AIMP1: variants seen among roughly 807,000 people sequenced by gnomAD.
The protein encoded by AIMP1 is aminoacyl tRNA synthetase complex interacting multifunctional protein 1, also known as aminoacyl tRNA synthase complex-interacting multifunctional protein 1.
In AIMP1, 24 loss-of-function variants were observed where a neutral mutation model predicts 33.1. The observed-to-expected ratio is 0.73, with a 90% confidence interval of 0.53 to 1.02. The LOEUF (loss-of-function observed/expected upper bound fraction) is 1.02, where lower values mean the gene tolerates loss of function less well. Ranked by LOEUF, AIMP1 falls within the 50% of genes least tolerant of loss-of-function variation. AIMP1 has a pLI of 0.00. For missense variants in AIMP1, 367 were observed against 364.8 expected (o/e 1.01, Z -0.05); for synonymous variants, 120 against 121.5 (o/e 0.99, Z 0.08).
chr4:106,340,597 C>T (rs1057402999), intron 6 of AIMP1, among the ~76,000 whole-genome samples: 2 of 152,150 alleles, frequency 1.3e-5, no homozygotes, highest in Admixed American at 6.5e-5. Flanking sequence ...CCAGCTGCAT[C>T]CATTTTGCTG....
chr4:106,335,165 A>C (rs530176419), intron 5 of AIMP1, among the ~76,000 whole-genome samples: 9 of 152,294 alleles, frequency 5.9e-5, no homozygotes, highest in African/African-American at 2.2e-4. Context: ...TAGACTTGGC[A>C]TATGCATGTG....
intron 6 of AIMP1, among the ~76,000 whole-genome samples, chr4:106,344,364 G>A (rs1226779819): frequency 2.0e-5 from 3 of 151,916 alleles, no homozygotes; most frequent in Non-Finnish European, 4.4e-5. Flanking sequence ...ATTTTTCCAT[G>A]GTATTTTTCA....
At position 106,316,563 on chromosome 4, in the gene AIMP1, G is replaced by A. The variant is rs1768908716; in HGVS notation, c.-57G>A. ...CTGGACCTACATGCTTCCTGCTGTG[G>A]CTGTCTCGGAACCCGTGGTCCTCCG... is the stretch of plus-strand genomic sequence containing the variant. On this transcript the variant is annotated 5_prime_UTR_variant, in exon 1 of 7. Coordinates refer to ENST00000672341, the MANE Select transcript of AIMP1 (RefSeq NM_001142416.2). The A allele has an allele frequency of 9.0e-6, 14 of 1,551,570 alleles. No individual in the cohort carries two copies. Among genetic ancestry groups the A allele is most frequent in the East Asian group, 2.4e-5 (1 of 40,896 alleles).
At chr4:106,330,250 GTT>G (rs1173623772) in intron 4 of AIMP1, among the ~76,000 whole-genome samples, 1 of 152,084 alleles carries the variant, frequency 6.6e-6, no homozygotes, top group Non-Finnish European at 1.5e-5. Context: ...GTACATTAGA[GTT>G]TTAAAATATA....
chr4:106,347,924 A>C lies in AIMP1; in HGVS notation c.*232A>C. 2 of 362,340 alleles carry C rather than the reference A, an allele frequency of 5.5e-6. No homozygotes were observed. The highest frequency in any genetic ancestry group is 9.9e-6 in the Non-Finnish European group (2 of 201,328). 22.4% of individuals were successfully genotyped at this position (362,340 alleles called of 1,614,324 possible). On this transcript the variant is annotated 3_prime_UTR_variant, in exon 7 of 7. Coordinates refer to ENST00000672341, the MANE Select transcript of AIMP1 (RefSeq NM_001142416.2). Reference sequence around the variant, plus strand: ...GAGGAAGTTGCCTATGTTTTGTAATAATTTATTTTTTAGCAGGAATATTGA... The same window carrying C: ...GAGGAAGTTGCCTATGTTTTGTAATCATTTATTTTTTAGCAGGAATATTGA...
Position 106,337,032 on chromosome 4 carries a change from TC to T in AIMP1, c.770del (p.Pro257GlnfsTer8). ...VPGDRITFDAFPGEPDKELNP... is the reference protein window; with the variant it reads ...VPGDRITFDAXPGEPDKELNP... ...GGAGACAGAATTACTTTTGATGCTTTCCCAGGTAGGTATTTATTAGTAATTA... is the reference window on the plus strand; with the variant it reads ...GGAGACAGAATTACTTTTGATGCTTTCCAGGTAGGTATTTATTAGTAATTA... On this transcript the variant is annotated frameshift_variant, in exon 6 of 7. Transcript: ENST00000672341. LOFTEE classifies it high-confidence loss of function. 2 of 1,613,778 alleles carry T rather than the reference TC, an allele frequency of 1.2e-6. No homozygotes were observed. The highest frequency in any genetic ancestry group is 1.7e-6 in the Non-Finnish European group (2 of 1,179,726).
Position 106,327,494 on chromosome 4 carries a change from A to C in AIMP1, c.153A>C (p.Glu51Asp). Residue 51 changes from glutamate (E) to aspartate (D), a missense_variant, in exon 3 of 7, where the codon GAA (glutamate) becomes GAC (aspartate). By Grantham distance (45) the Glu-to-Asp change is conservative. Coordinates refer to ENST00000672341, the MANE Select transcript of AIMP1 (RefSeq NM_001142416.2). ...TLREEKKLRVENAKLKKEIEE... is the reference protein window; with the variant it reads ...TLREEKKLRVDNAKLKKEIEE... ...GGGAAGAGAAGAAACTTCGAGTTGA[A>C]AATGCTAAACTGAAGAAAGAAATTG... 1.2e-6 allele frequency: 2 copies of C among 1,613,152 alleles called. No individual in the cohort carries two copies. The highest frequency in any genetic ancestry group is 1.7e-6 in the Non-Finnish European group (2 of 1,179,382).
chr4:106,334,649 A>G (rs1196242219), intron 5 of AIMP1, among the ~76,000 whole-genome samples: 60 of 152,222 alleles, frequency 3.9e-4, no homozygotes, highest in Admixed American at 3.9e-3. Context: ...AGGTGTAAGT[A>G]AATATTTAGT....
intron 6 of AIMP1, among the ~76,000 whole-genome samples, chr4:106,339,238 A>G (rs1770006799): frequency 6.6e-6 from 1 of 152,190 alleles, no homozygotes; most frequent in South Asian, 2.1e-4. Context: ...TGGTTTTGAA[A>G]TGTGAGGACA....
At position 106,347,583 on chromosome 4, in the gene AIMP1, A is replaced by G; in HGVS notation, c.830A>G (p.Asp277Gly). 1 of 1,613,494 alleles carries G rather than the reference A, an allele frequency of 6.2e-7. No homozygotes were observed. Among genetic ancestry groups the G allele is most frequent in the Non-Finnish European group, 8.5e-7 (1 of 1,179,688 alleles). The change falls in exon 7 of 7, where the codon GAT becomes GGT. Residue 277 changes from aspartate (D) to glycine (G), a missense_variant. Coordinates refer to ENST00000672341, the MANE Select transcript of AIMP1 (RefSeq NM_001142416.2). ...KKKIWEQIQP[D>G]LHTNDECVAT... ...AAGATTTGGGAGCAGATCCAGCCTGATCTTCACACTAATGATGAGTGTGTG... is the reference window on the plus strand; with the variant it reads ...AAGATTTGGGAGCAGATCCAGCCTGGTCTTCACACTAATGATGAGTGTGTG...
intron 2 of AIMP1, among the ~76,000 whole-genome samples, chr4:106,326,044 T>C (rs1769443738): frequency 6.6e-6 from 1 of 152,098 alleles, no homozygotes; most frequent in African/African-American, 2.4e-5. Flanking sequence ...TATAGGTATA[T>C]AGTCAGACTG....
intron 6 of AIMP1, 58 bp from the exon 7 acceptor site, chr4:106,347,468 T>C: frequency 5.3e-6 from 8 of 1,509,186 alleles, no homozygotes; most frequent in Non-Finnish European, 7.2e-6. Context: ...GAATAGTCTC[T>C]TTAATATTTT....
At chr4:106,322,781 G>A (rs540837704) in intron 1 of AIMP1, among the ~76,000 whole-genome samples, 2 of 152,188 alleles carry the variant, frequency 1.3e-5, no homozygotes, top group Admixed American at 6.5e-5. Flanking sequence ...GGGAGGTCAG[G>A]ATTTCGAGAC....
chr4:106,345,639 G>A (rs1226982021), intron 6 of AIMP1, among the ~76,000 whole-genome samples: 1 of 151,740 alleles, frequency 6.6e-6, no homozygotes, highest in African/African-American at 2.4e-5. Context: ...TAATGTAGGT[G>A]TATCATTCAA....
chr4:106,339,492 AAC>A (rs59472655), intron 6 of AIMP1, among the ~76,000 whole-genome samples: 2,758 of 152,320 alleles, frequency 0.018, 75 homozygotes, highest in African/African-American at 0.061. Context: ...GCTGCCATGT[AAC>A]ACATGCTCCT....
In AIMP1 at chr4:106,347,821, T is replaced by G. The variant is rs996070126; in HGVS notation, c.*129T>G. On this transcript the variant is annotated 3_prime_UTR_variant, in exon 7 of 7. Coordinates refer to ENST00000672341, the MANE Select transcript of AIMP1 (RefSeq NM_001142416.2). ...CTCTCTTCTAGACTTGACTAGTCAT[T>G]TACTTGGTATATATTGTTTTCATTG... is the stretch of plus-strand genomic sequence containing the variant. 5.3e-5 allele frequency: 50 copies of G among 943,614 alleles called. 1 individual carries two copies. The highest frequency in any genetic ancestry group is 3.7e-4 in the South Asian group (22 of 59,602). 58.5% of individuals were successfully genotyped at this position (943,614 alleles called of 1,614,324 possible).
At chr4:106,347,067 C>T (rs1770330965) in intron 6 of AIMP1, among the ~76,000 whole-genome samples, 1 of 151,968 alleles carries the variant, frequency 6.6e-6, no homozygotes, top group African/African-American at 2.4e-5. Flanking sequence ...TTTTAAACAA[C>T]CAGATCTCAG....
At chr4:106,330,936 AT>A (rs1769651357) in intron 4 of AIMP1, among the ~76,000 whole-genome samples, 1 of 152,228 alleles carries the variant, frequency 6.6e-6, no homozygotes, top group South Asian at 2.1e-4. Context: ...TCATGTGTTA[AT>A]AAGAGTTACA....
At chr4:106,316,361 G>C (rs574021089), upstream of AIMP1, 8 of 609,626 alleles carry the variant, frequency 1.3e-5, no homozygotes, top group African/African-American at 7.3e-5. Flanking sequence ...GGGGACGGGG[G>C]GGGTCGATTG....
Sources: gnomAD v4.1 joint callset for allele counts (sites outside exome capture counted in the v4.1 genomes callset) on GRCh38, gnomAD v4.1.1 for gene constraint, MANE v1.5 for transcripts, NCBI Gene and HGNC (gene_info 2026-07-23, HGNC 2026-07-21) for gene names.